PRKDC: variants seen among roughly 807,000 people sequenced by gnomAD.
PRKDC encodes DNA-dependent protein kinase catalytic subunit.
In PRKDC, 82 loss-of-function variants were observed where a neutral mutation model predicts 486.9. That is an observed-to-expected ratio of 0.17 (90% CI 0.14 to 0.20). The LOEUF (loss-of-function observed/expected upper bound fraction) is 0.20, where lower values mean the gene tolerates loss of function less well. Ranked by LOEUF, PRKDC falls within the 10% of genes least tolerant of loss-of-function variation. PRKDC has a pLI of 1.00. For synonymous variants in PRKDC, 1,895 were observed against 1,837.0 expected (o/e 1.03, Z -0.81); for missense variants, 4,504 against 5,038.2 (o/e 0.89, Z 3.21).
At chr8:47,795,785 G>A (rs750702223) in intron 73 of PRKDC, among the ~76,000 whole-genome samples, 1 of 148,278 alleles carries the variant, frequency 6.7e-6, no homozygotes, top group Non-Finnish European at 1.5e-5. Context: ...GAGCCACCGC[G>A]CCTGGTCCCC....
rs2088611101 is a variant in PRKDC, at chr8:47,858,945, C to T, written c.6249G>A (p.Leu2083=). The T allele has an allele frequency of 2.5e-6, 4 of 1,613,692 alleles. No homozygotes were observed. Among genetic ancestry groups the T allele is most frequent in the South Asian group, 1.1e-5 (1 of 91,078 alleles). Residue 2083 remains leucine (L), a synonymous_variant, in exon 47 of 86, where the codon CTG becomes CTA. Transcript: ENST00000314191. ...CATGCCGATTGAGCTCGTCCATCTC[C>T]AGCTCCAGCACATCATCATGCACCG... ...DPTVHDDVLE[L]EMDELNRHEC...
At chr8:47,836,094 A>G (rs1279107125) in intron 58 of PRKDC, among the ~76,000 whole-genome samples, 1 of 152,116 alleles carries the variant, frequency 6.6e-6, no homozygotes, top group East Asian at 1.9e-4. Context: ...GAAATTCTGT[A>G]CCCATTAAAC....
intron 40 of PRKDC, among the ~76,000 whole-genome samples, chr8:47,877,125 A>G (rs1191882328): frequency 6.6e-6 from 1 of 152,270 alleles, no homozygotes; most frequent in Non-Finnish European, 1.5e-5. Context: ...AGATAAATCC[A>G]GAATATAAGA....
chr8:47,959,911 C>A (rs1386300894), intron 1 of PRKDC, 62 bp downstream of exon 1: 1 of 1,515,202 alleles, frequency 6.6e-7, no homozygotes, highest in South Asian at 1.2e-5. Context: ...CCGGGCTGCC[C>A]GGCTCCAGAA....
In PRKDC at chr8:47,893,311, C is replaced by G. The variant is rs763655576; in HGVS notation, c.3675G>C (p.Glu1225Asp). The change falls in exon 31 of 86, where the codon GAG (glutamate) becomes GAC (aspartate). Residue 1225 changes from glutamate (E) to aspartate (D), a missense_variant. Glu to Asp is a conservative substitution (Grantham distance 45, BLOSUM62 2). Around this residue, in one of 6 missense-constraint regions of PRKDC, gnomAD observed 1,969 missense variants for 2,068.9 expected, o/e 0.95. Transcript: ENST00000314191. ...EGVSFLINTF[E>D]GGGCGQPSGI... is the part of the protein sequence containing the mutation. Reference sequence around the variant, plus strand: ...CCGAGGGCTGGCCACAGCCACCCCCCTCAAAGGTGTTGATGAGAAAAGAGA... The same window carrying G: ...CCGAGGGCTGGCCACAGCCACCCCCGTCAAAGGTGTTGATGAGAAAAGAGA... The G allele has an allele frequency of 6.9e-6, 11 of 1,604,084 alleles. 1 individual carries two copies. The highest frequency in any genetic ancestry group is 1.7e-5 in the Admixed American group (1 of 59,312).
rs760500928 is a variant in PRKDC at position 47,943,358 on chromosome 8, G to C, written c.817C>G (p.Arg273Gly). 4 of 1,599,942 alleles carry C rather than the reference G, an allele frequency of 2.5e-6. No individual in the cohort carries two copies. Among genetic ancestry groups the C allele is most frequent in the Non-Finnish European group, 2.6e-6 (3 of 1,174,964 alleles). ...KRYAVPSAGL[R>G]LFALHASQFS... ...TGAGATGCATGCAGGGCAAATAGGC[G>C]CAAGCCAGCTGCAAATGCAAATGCC... Residue 273 changes from arginine to glycine, a missense_variant, in exon 10 of 86, where the codon CGC becomes GGC. Physicochemically the swap from Arg to Gly is moderately radical, Grantham distance 125. This residue lies in a region of PRKDC where 1,969 missense variants were observed against 2,068.9 expected (regional missense o/e 0.95). Coordinates refer to ENST00000314191, the MANE Select transcript of PRKDC (RefSeq NM_006904.7).
rs2088666219 is a variant in PRKDC at position 47,861,036 on chromosome 8, T to C, written c.5986-65A>G. 3.5e-6 allele frequency: 4 copies of C among 1,146,594 alleles called. No individual in the cohort carries two copies. The South Asian group carries it at 5.0e-5, about 14-fold the overall frequency. The allele number at this position is 1,146,594 out of a possible 1,614,324, so 71.0% of individuals were successfully genotyped here. A position where few individuals can be genotyped will look rare whatever the true frequency, so the allele number is the denominator to read the frequency against. On this transcript the variant is annotated intron_variant, in intron 44 of 85. Coordinates refer to ENST00000314191, the MANE Select transcript of PRKDC (RefSeq NM_006904.7). The stretch of plus-strand genomic sequence containing the variant: ...AATAATAGTGATACTTTTTCTGTTT[T>C]AGTAGCAATCTGGCAAAAAAAAAAT...
chr8:47,783,545 G>A (rs893891231), intron 78 of PRKDC, among the ~76,000 whole-genome samples, 197 bp downstream of exon 78: 69 of 151,738 alleles, frequency 4.5e-4, no homozygotes, highest in African/African-American at 1.6e-3. Context: ...AGCCGAGACC[G>A]TCCCATTGCA....
chr8:47,821,675 A>G lies in PRKDC; in HGVS notation c.9040T>C (p.Cys3014Arg). 1 of 1,602,382 alleles carries G rather than the reference A, an allele frequency of 6.2e-7. No individual in the cohort carries two copies. The highest frequency in any genetic ancestry group is 8.5e-7 in the Non-Finnish European group (1 of 1,173,678). The change falls in exon 65 of 86, where the codon TGT (cysteine) becomes CGT (arginine). Residue 3014 changes from cysteine to arginine, a missense_variant. By Grantham distance (180) the Cys-to-Arg change is radical. This residue lies in a region of PRKDC where 1,592 missense variants were observed against 1,724.6 expected (regional missense o/e 0.92). Transcript: ENST00000314191. The stretch of plus-strand genomic sequence containing the variant: ...TCACTGTCTATACTGGCTGTAGAAC[A>G]GTATTCAAGTGATTTCCACTCAGCA... ...HLAEWKSLEY[C>R]STASIDSENP...
chr8:47,822,690 T>G (rs978619371), intron 64 of PRKDC, among the ~76,000 whole-genome samples: 15 of 152,244 alleles, frequency 9.9e-5, no homozygotes, highest in African/African-American at 3.4e-4. Flanking sequence ...CTCGGGAGGC[T>G]GAGGCAGGAG....
At chr8:47,783,928 A>G in intron 77 of PRKDC, 119 bp from the exon 78 acceptor site, 1 of 1,022,122 alleles carries the variant, frequency 9.8e-7, no homozygotes. Flanking sequence ...CCTTTTACTG[A>G]AAAGTTTTCA....
At chr8:47,797,381 C>G (rs558571486) in intron 73 of PRKDC, among the ~76,000 whole-genome samples, 2 of 152,138 alleles carry the variant, frequency 1.3e-5, no homozygotes, top group Non-Finnish European at 2.9e-5. Context: ...TTACCTTAAC[C>G]TGTTTAATAC....
At chr8:47,940,131 T>C (rs1163886409) in intron 10 of PRKDC, among the ~76,000 whole-genome samples, 2 of 151,770 alleles carry the variant, frequency 1.3e-5, no homozygotes, top group African/African-American at 2.4e-5. Flanking sequence ...ACCCACAGGG[T>C]GAAAGAGAGC....
At position 47,794,360 on chromosome 8, in the gene PRKDC, T is replaced by C. The variant is rs750504626; in HGVS notation, c.10600A>G (p.Ile3534Val). Reference sequence around the variant, plus strand: ...AAGGAATAGCTTTCGCTGCTTATGATGAAGGGATAAACAATAGCCTGCGGG... The same window carrying C: ...AAGGAATAGCTTTCGCTGCTTATGACGAAGGGATAAACAATAGCCTGCGGG... ...NYPQAIVYPF[I>V]ISSESYSFKD... Residue 3534 changes from isoleucine (I) to valine (V), a missense_variant, in exon 74 of 86, where the codon ATC becomes GTC. Ile to Val is a conservative substitution (Grantham distance 29). This residue lies in a region of PRKDC where 706 missense variants were observed against 945.0 expected (regional missense o/e 0.75). Transcript: ENST00000314191. The C allele has an allele frequency of 3.7e-5, 60 of 1,613,720 alleles. No individual in the cohort carries two copies. Among genetic ancestry groups the C allele is most frequent in the Non-Finnish European group, 4.8e-5 (57 of 1,179,840 alleles).
At chr8:47,940,706 T>C (rs760132710) in intron 10 of PRKDC, among the ~76,000 whole-genome samples, 3 of 152,276 alleles carry the variant, frequency 2.0e-5, no homozygotes, top group Non-Finnish European at 2.9e-5. Context: ...CCAGTAAGCA[T>C]GTTTTTAACG....
At chr8:47,837,158 A>G in intron 57 of PRKDC, 54 bp downstream of exon 57, 3 of 1,490,278 alleles carry the variant, frequency 2.0e-6, no homozygotes, top group Non-Finnish European at 2.8e-6. Flanking sequence ...AAAAATGTTC[A>G]TGAACAGGAA....
At chr8:47,841,301 G>A (rs980229500) in intron 54 of PRKDC, among the ~76,000 whole-genome samples, 1 of 152,092 alleles carries the variant, frequency 6.6e-6, no homozygotes, top group African/African-American at 2.4e-5. Flanking sequence ...ATGCCCCCAG[G>A]TTCTCACCTT....
intron 74 of PRKDC, among the ~76,000 whole-genome samples, chr8:47,793,136 G>A (rs1194911696): frequency 1.3e-5 from 2 of 152,060 alleles, no homozygotes; most frequent in African/African-American, 2.4e-5. Flanking sequence ...CTTCCACCTC[G>A]GCCTCCCAAG....
chr8:47,946,017 C>T (rs755291392), intron 7 of PRKDC, among the ~76,000 whole-genome samples: 3 of 151,960 alleles, frequency 2.0e-5, no homozygotes, highest in Non-Finnish European at 4.4e-5. Flanking sequence ...CCACCACGCC[C>T]GGCCTACTTC....
Sources: gnomAD v4.1 joint callset for allele counts (sites outside exome capture counted in the v4.1 genomes callset) on GRCh38, gnomAD v4.1.1 for gene constraint, gnomAD v4.1.1 regional missense constraint, MANE v1.5 for transcripts, NCBI Gene and HGNC (gene_info 2026-07-23, HGNC 2026-07-21) for gene names.